The following PAPOLA variants were observed in gnomAD, a reference collection of about 807,000 sequenced individuals.
The protein encoded by PAPOLA is poly(A) polymerase alpha, also known as polynucleotide adenylyltransferase alpha.
A neutral mutation model predicts 100.6 loss-of-function variants in PAPOLA; 15 were observed. That is an observed-to-expected ratio of 0.15 (90% CI 0.10 to 0.23). The LOEUF (loss-of-function observed/expected upper bound fraction) is 0.23. PAPOLA is among the 10% of genes least tolerant of loss of function. PAPOLA has a pLI of 1.00. For missense variants in PAPOLA, 533 were observed against 884.2 expected (o/e 0.60, Z 5.04); for synonymous variants, 293 against 300.0 (o/e 0.98, Z 0.24).
At chr14:96,517,945 G>A (rs1022390039) in intron 1 of PAPOLA, among the ~76,000 whole-genome samples, 6 of 151,950 alleles carry the variant, frequency 3.9e-5, no homozygotes, top group Non-Finnish European at 4.4e-5. Context: ...CAAATCATCT[G>A]CCCTCCTCGG....
chr14:96,532,839 G>A (rs1899154808), intron 9 of PAPOLA, 190 bp downstream of exon 9: 2 of 1,320,276 alleles, frequency 1.5e-6, no homozygotes, highest in Admixed American at 7.4e-5. Flanking sequence ...AGTTTGGCCA[G>A]GATAGTAAGG....
intron 12 of PAPOLA, among the ~76,000 whole-genome samples, chr14:96,539,118 T>TAAC (rs1899768769): frequency 1.3e-5 from 2 of 152,130 alleles, no homozygotes; most frequent in Admixed American, 1.3e-4. Flanking sequence ...TAATTCAAGT[T>TAAC]AACATGTAAC....
intron 12 of PAPOLA, among the ~76,000 whole-genome samples, chr14:96,539,491 T>G (rs1345594326): frequency 2.0e-5 from 3 of 152,096 alleles, no homozygotes; most frequent in Non-Finnish European, 4.4e-5. Flanking sequence ...AAATTAAGTG[T>G]TTTTAGGGCA....
chr14:96,545,365 C>T (rs970788766), intron 15 of PAPOLA, among the ~76,000 whole-genome samples: 3 of 151,966 alleles, frequency 2.0e-5, no homozygotes, highest in East Asian at 3.8e-4. Context: ...TGTAGAATCG[C>T]GAGCAGTGTG....
Position 96,519,671 on chromosome 14 carries a change from G to A in PAPOLA, c.9-384G>A, listed in dbSNP as rs186465300. ...TTCGTTCATTGTAAGCCAGATGCCAGGTTTCATTTGGGGAATGTCTTATAT... is the reference window on the plus strand; with the variant it reads ...TTCGTTCATTGTAAGCCAGATGCCAAGTTTCATTTGGGGAATGTCTTATAT... On this transcript the variant is annotated intron_variant, in intron 1 of 21. Transcript: ENST00000216277. Among the ~76,000 whole-genome samples the A allele has an allele frequency of 2.2e-4, 34 of 152,316 alleles. 1 individual carries two copies. Among genetic ancestry groups the A allele is most frequent in the South Asian group, 1.0e-3 (5 of 4,826 alleles).
At chr14:96,535,690 A>T in intron 10 of PAPOLA, 189 bp from the exon 11 acceptor site, 2 of 815,052 alleles carry the variant, frequency 2.5e-6, no homozygotes, top group Non-Finnish European at 3.3e-6. Context: ...TCATTAGTTT[A>T]GATGAAATCT....
At chr14:96,532,149 C>T (rs1169206685) in intron 7 of PAPOLA, 182 bp from the exon 8 acceptor site, 1 of 1,378,450 alleles carries the variant, frequency 7.3e-7, no homozygotes, top group East Asian at 2.8e-5. Context: ...TTTTCCCCCT[C>T]TTTATTGAAT....
intron 10 of PAPOLA, chr14:96,534,802 A>G: frequency 2.4e-6 from 3 of 1,269,544 alleles, no homozygotes; most frequent in Non-Finnish European, 3.0e-6. Flanking sequence ...GATTTTACTA[A>G]CATTTTAATT....
chr14:96,522,112 CTTTCTTTTTTTTTT>C lies in PAPOLA; in HGVS notation c.249+1044_249+1057del, dbSNP rs1179606164. Among the ~76,000 whole-genome samples the C allele has an allele frequency of 4.5e-3, 444 of 98,710 alleles. 4 individuals are homozygous for C. The highest frequency in any genetic ancestry group is 5.9e-3 in the Non-Finnish European group (307 of 52,352). 64.8% of individuals were successfully genotyped at this position (98,710 alleles called of 152,430 possible). A position where few individuals can be genotyped will look rare whatever the true frequency, so the allele number is the denominator to read the frequency against. The stretch of plus-strand genomic sequence containing the variant: ...GCCACTGCATCTAGCCTCTTTCTTT[CTTTCTTTTTTTTTT>C]TTTTTTTTTTTTTTTGAGACAGTCT... On this transcript the variant is annotated intron_variant, in intron 3 of 21. Coordinates refer to ENST00000216277, the MANE Select transcript of PAPOLA (RefSeq NM_032632.5).
Position 96,521,085 on chromosome 14 carries a change from T to A in PAPOLA, c.249+13T>A. 1 of 1,346,772 alleles carries A rather than the reference T, an allele frequency of 7.4e-7. No individual in the cohort carries two copies. Among genetic ancestry groups the A allele is most frequent in the Non-Finnish European group, 1.1e-6 (1 of 939,580 alleles). The allele number at this position is 1,346,772 out of a possible 1,614,324, so 83.4% of individuals were successfully genotyped here. On this transcript the variant is annotated intron_variant, in intron 3 of 21. Transcript: ENST00000216277. ...CAGTGAAAGCAAGGTAAGGCAACTT[T>A]TTTGTATATGAAATAATTTCATATA... is the stretch of plus-strand genomic sequence containing the variant.
intron 9 of PAPOLA, 79 bp from the exon 10 acceptor site, chr14:96,534,411 CA>C: frequency 6.4e-7 from 1 of 1,565,496 alleles, no homozygotes; most frequent in Non-Finnish European, 8.6e-7. Flanking sequence ...ATCACGTTCA[CA>C]AATGCTGTAT....
At chr14:96,538,547 A>G (rs1274377071) in intron 12 of PAPOLA, among the ~76,000 whole-genome samples, 1 of 152,050 alleles carries the variant, frequency 6.6e-6, no homozygotes, top group Non-Finnish European at 1.5e-5. Context: ...TGAAATAATC[A>G]AATTTTTTTA....
intron 1 of PAPOLA, among the ~76,000 whole-genome samples, chr14:96,509,950 C>T (rs1477392573): frequency 7.9e-6 from 1 of 126,578 alleles, no homozygotes. Context: ...TGGCCAGTAC[C>T]TTTTGTGGGA....
intron 17 of PAPOLA, among the ~76,000 whole-genome samples, chr14:96,554,170 G>T (rs1901095563): frequency 6.6e-6 from 1 of 152,176 alleles, no homozygotes; most frequent in South Asian, 2.1e-4. Context: ...GTAATACTAA[G>T]TAACTTCTGT....
chr14:96,546,880 C>G (rs1050711365), intron 15 of PAPOLA, among the ~76,000 whole-genome samples: 9 of 152,088 alleles, frequency 5.9e-5, no homozygotes, highest in Admixed American at 1.3e-4. Flanking sequence ...GCATTTTCTG[C>G]TGCTTAGGGC....
intron 17 of PAPOLA, chr14:96,553,529 A>AG (rs1344426622): frequency 6.6e-6 from 1 of 152,264 alleles, no homozygotes; most frequent in Non-Finnish European, 1.5e-5. Context: ...AAAAAAAAAA[A>AG]AAATTTTGAG....
chr14:96,559,694 T>C (rs765664606), intron 19 of PAPOLA, among the ~76,000 whole-genome samples: 1 of 151,186 alleles, frequency 6.6e-6, no homozygotes, highest in Non-Finnish European at 1.5e-5. Context: ...ATAAGTATAA[T>C]GAACTGTCAT....
intron 4 of PAPOLA, among the ~76,000 whole-genome samples, 198 bp downstream of exon 4, chr14:96,525,589 AG>A: frequency 6.6e-6 from 1 of 152,258 alleles, no homozygotes; most frequent in Admixed American, 6.5e-5. Flanking sequence ...AGTATTATTA[AG>A]ATTAAATGAA....
At chr14:96,552,763 TC>T in intron 17 of PAPOLA, 141 bp downstream of exon 17, 1 of 740,914 alleles carries the variant, frequency 1.3e-6, no homozygotes, top group Non-Finnish European at 2.1e-6. Flanking sequence ...GCAATTTAAT[TC>T]CCAGGTTTGG....
Sources: gnomAD v4.1 joint callset for allele counts (sites outside exome capture counted in the v4.1 genomes callset) on GRCh38, gnomAD v4.1.1 for gene constraint, MANE v1.5 for transcripts, NCBI Gene and HGNC (gene_info 2026-07-23, HGNC 2026-07-21) for gene names.